The following CEP135 variants were observed in gnomAD, a reference collection of about 807,000 sequenced individuals.
The protein encoded by CEP135 is centrosomal protein of 135 kDa.
CEP135 carries 142 observed loss-of-function variants against 157.3 expected under a neutral mutation model. The ratio of observed to expected loss-of-function variants is 0.90; its 90% CI spans 0.79 to 1.04. The LOEUF is 1.04. Ranked by LOEUF, CEP135 falls within the 50% of genes least tolerant of loss-of-function variation. The probability of loss-of-function intolerance (pLI) is 0.00; values close to 1 mark genes in which losing one functional copy is unlikely to be tolerated. For missense variants in CEP135, 1,317 were observed against 1,309.2 expected (o/e 1.01, Z -0.09); for synonymous variants, 396 against 439.8 (o/e 0.90, Z 1.25).
At chr4:55,961,920 G>A (rs1426562676) in intron 6 of CEP135, among the ~76,000 whole-genome samples, 1 of 151,826 alleles carries the variant, frequency 6.6e-6, no homozygotes, top group Non-Finnish European at 1.5e-5. Flanking sequence ...TTAAGGCTGA[G>A]TTGCCTGTGC....
At chr4:56,015,321 A>G (rs1321816004) in intron 21 of CEP135, among the ~76,000 whole-genome samples, 1 of 152,196 alleles carries the variant, frequency 6.6e-6, no homozygotes, top group Non-Finnish European at 1.5e-5. Context: ...CTTCAAGAAA[A>G]GGACAGAATG....
At chr4:55,949,640 G>A (rs1728294707) in intron 1 of CEP135, among the ~76,000 whole-genome samples, 1 of 152,204 alleles carries the variant, frequency 6.6e-6, no homozygotes, top group African/African-American at 2.4e-5. Flanking sequence ...AGCATTAAAT[G>A]TACTGGTTTT....
rs201809711 is a variant in CEP135 at position 55,999,354 on chromosome 4, T to A, written c.2062T>A (p.Ser688Thr). ...AGTTGATGACTATCAGCACCGACTTTCCATAAAAAGAGGTGAACTTGAATC... is the reference window on the plus strand; with the variant it reads ...AGTTGATGACTATCAGCACCGACTTACCATAAAAAGAGGTGAACTTGAATC... Reference protein sequence around the residue: ...RSVDDYQHRLSIKRGELESAQ... With the variant: ...RSVDDYQHRLTIKRGELESAQ... The change falls in exon 16 of 26, where the codon TCC becomes ACC. Residue 688 changes from serine to threonine, a missense_variant. Coordinates refer to ENST00000257287, the MANE Select transcript of CEP135 (RefSeq NM_025009.5). 3 of 1,614,178 alleles carry A rather than the reference T, an allele frequency of 1.9e-6. No individual in the cohort carries two copies. In the Admixed American group the frequency reaches 5.0e-5, roughly 27 times the overall value.
chr4:55,953,196 T>C lies in CEP135; in HGVS notation c.225T>C (p.Asn75=). 1 of 1,606,086 alleles carries C rather than the reference T, an allele frequency of 6.2e-7. No homozygotes were observed. Among genetic ancestry groups the C allele is most frequent in the Middle Eastern group, 1.7e-4 (1 of 6,014 alleles). ...TTTTGGAACCCTATAAACTTGAAAA[T>C]GCAAGATTGAGTAGAGAAAATAATG... The part of the protein sequence containing the change: ...DFVLEPYKLE[N]ARLSRENNEL... Residue 75 remains asparagine (N), a synonymous_variant, in exon 3 of 26, where the codon AAT becomes AAC. Coordinates refer to ENST00000257287, the MANE Select transcript of CEP135 (RefSeq NM_025009.5).
chr4:55,976,115 A>C (rs1367168555), intron 11 of CEP135, among the ~76,000 whole-genome samples: 1 of 152,000 alleles, frequency 6.6e-6, no homozygotes, highest in African/African-American at 2.4e-5. Context: ...TTAGCTGAGC[A>C]TAGTGGCATG....
rs762126710 is a variant in CEP135, at chr4:55,974,799, C to T, written c.1303C>T (p.Arg435Cys). 34 of 1,613,670 alleles carry T rather than the reference C, an allele frequency of 2.1e-5. No individual in the cohort carries two copies. Among genetic ancestry groups the T allele is most frequent in the African/African-American group, 4.0e-5 (3 of 74,866 alleles). ...GATGAGACTAGAACATGGAATAAAA[C>T]GTCGAGACAGGTCACCTTCTCGTTT... ...ERMRLEHGIK[R>C]RDRSPSRLDT... Residue 435 changes from arginine to cysteine, a missense_variant, in exon 11 of 26, where the codon CGT becomes TGT. By Grantham distance (180) the Arg-to-Cys change is radical. Transcript: ENST00000257287.
chr4:56,013,958 GA>G lies in CEP135; in HGVS notation c.2802+1975del, dbSNP rs554966627. ...ATTTGGACACAGAAAACACAGGAGA[GA>G]ACACCACGTAAAGATGGAGGCAAAG... On this transcript the variant is annotated intron_variant, in intron 21 of 25. Transcript: ENST00000257287. Among the ~76,000 whole-genome samples the G allele has an allele frequency of 3.3e-5, 5 of 152,242 alleles. No homozygotes were observed. In the South Asian group the frequency reaches 1.0e-3, roughly 32 times the overall value.
rs191215852 is a variant in CEP135, at chr4:55,972,936, G to A, written c.1249+1528G>A. Among the ~76,000 whole-genome samples, 5 of 152,224 alleles carry A rather than the reference G, an allele frequency of 3.3e-5. No individual in the cohort carries two copies. The East Asian group carries it at 9.7e-4, about 29-fold the overall frequency. Reference sequence around the variant, plus strand: ...AATCCCAGCTACTCAGGAGGCTGAGGCAGGAGAATCGCTTGAACCCGGAGG... The same window carrying A: ...AATCCCAGCTACTCAGGAGGCTGAGACAGGAGAATCGCTTGAACCCGGAGG... On this transcript the variant is annotated intron_variant, in intron 10 of 25. Transcript: ENST00000257287.
At chr4:55,980,501 A>T (rs1729367219) in intron 12 of CEP135, among the ~76,000 whole-genome samples, 1 of 152,094 alleles carries the variant, frequency 6.6e-6, no homozygotes, top group Non-Finnish European at 1.5e-5. Context: ...TCCCTTTTCT[A>T]GCCTATCTAT....
intron 4 of CEP135, 120 bp from the exon 5 acceptor site, chr4:55,957,103 T>C: frequency 6.1e-6 from 6 of 978,052 alleles, no homozygotes; most frequent in Non-Finnish European, 9.0e-6. Flanking sequence ...AGAAAATATT[T>C]TGTCAATATG....
chr4:55,976,125 GCACCTCTCGTAC>G (rs1333172141), intron 11 of CEP135, among the ~76,000 whole-genome samples: 3 of 151,782 alleles, frequency 2.0e-5, no homozygotes, highest in African/African-American at 4.8e-5. Context: ...ATAGTGGCAT[GCACCTCTCGTAC>G]CACCTACTAG....
intron 14 of CEP135, among the ~76,000 whole-genome samples, chr4:55,988,561 G>A (rs1441423655): frequency 6.6e-6 from 1 of 152,050 alleles, no homozygotes; most frequent in Non-Finnish European, 1.5e-5. Flanking sequence ...TTGGGAGGCA[G>A]AGGCAGGAGA....
chr4:55,993,566 G>T (rs1216897618), intron 15 of CEP135, among the ~76,000 whole-genome samples: 3 of 152,180 alleles, frequency 2.0e-5, no homozygotes, highest in Non-Finnish European at 4.4e-5. Context: ...GAATGGACTG[G>T]TATCTCCTCT....
At chr4:56,020,444 G>A (rs181681648) in intron 23 of CEP135, among the ~76,000 whole-genome samples, 14 of 152,236 alleles carry the variant, frequency 9.2e-5, no homozygotes, top group South Asian at 8.3e-4. Context: ...TTTATGTCTC[G>A]TTCAAATTTG....
intron 15 of CEP135, among the ~76,000 whole-genome samples, chr4:55,998,788 C>T (rs1284819850): frequency 6.6e-6 from 1 of 152,030 alleles, no homozygotes. Context: ...TCACCTGAGC[C>T]CAGGAGGCGG....
At chr4:55,952,935 G>T (rs371985899) in intron 2 of CEP135, 150 bp from the exon 3 acceptor site, 23 of 592,268 alleles carry the variant, frequency 3.9e-5, no homozygotes, top group Middle Eastern at 4.5e-4. Flanking sequence ...AATCTTACAG[G>T]ACTACTCTCC....
At chr4:55,988,672 A>G (rs1190737718) in intron 14 of CEP135, among the ~76,000 whole-genome samples, 10 of 151,104 alleles carry the variant, frequency 6.6e-5, no homozygotes, top group Non-Finnish European at 1.0e-4. Context: ...AAAAAAAAAA[A>G]AATGGCTGGG....
At position 56,020,758 on chromosome 4, in the gene CEP135, A is replaced by G; in HGVS notation, c.3298A>G (p.Ile1100Val). 6.2e-7 allele frequency: 1 copy of G among 1,613,340 alleles called. No individual in the cohort carries two copies. Among genetic ancestry groups the G allele is most frequent in the Non-Finnish European group, 8.5e-7 (1 of 1,179,666 alleles). The change falls in exon 24 of 26, where the codon ATC (isoleucine) becomes GTC (valine). Residue 1100 changes from isoleucine (I) to valine (V), a missense_variant. Coordinates refer to ENST00000257287, the MANE Select transcript of CEP135 (RefSeq NM_025009.5). Reference sequence around the variant, plus strand: ...AGATTATGATGCTCTGAAAAGGCAGATCTCAACTGAAAGATACGAACGGTA... The same window carrying G: ...AGATTATGATGCTCTGAAAAGGCAGGTCTCAACTGAAAGATACGAACGGTA... Reference protein sequence around the residue: ...QTDYDALKRQISTERYERERA... With the variant: ...QTDYDALKRQVSTERYERERA...
chr4:56,008,553 A>G (rs984791634), intron 18 of CEP135, among the ~76,000 whole-genome samples, 171 bp downstream of exon 18: 1 of 152,006 alleles, frequency 6.6e-6, no homozygotes. Flanking sequence ...ATCTTCTTTA[A>G]CCTCTCCTTT....
Sources: allele counts gnomAD v4.1 joint callset (sites outside exome capture counted in the v4.1 genomes callset), GRCh38; gene constraint gnomAD v4.1.1; transcripts MANE v1.5; gene names NCBI Gene and HGNC (gene_info 2026-07-23, HGNC 2026-07-21).